DNAH12: variants seen among roughly 807,000 people sequenced by gnomAD.
DNAH12 encodes the protein dynein axonemal heavy chain 12, also known as axonemal beta dynein heavy chain 12.
DNAH12 carries 285 observed loss-of-function variants against 371.5 expected under a neutral mutation model. The observed-to-expected ratio is 0.77, with a 90% confidence interval of 0.70 to 0.85. The LOEUF is 0.85. DNAH12 is among the 40% of genes least tolerant of loss of function. The pLI is 0.00. For missense variants in DNAH12, 3,611 were observed against 3,689.4 expected (o/e 0.98, Z 0.55); for synonymous variants, 1,200 against 1,213.0 (o/e 0.99, Z 0.22).
At chr3:57,393,557 C>T (rs1408690442) in intron 44 of DNAH12, among the ~76,000 whole-genome samples, 12 of 130,880 alleles carry the variant, frequency 9.2e-5, no homozygotes, top group South Asian at 2.7e-4. Flanking sequence ...ACCCGGGAGG[C>T]GGAGGTTGCA....
At chr3:57,390,936 G>A (rs1392016147) in intron 45 of DNAH12, among the ~76,000 whole-genome samples, 1 of 152,116 alleles carries the variant, frequency 6.6e-6, no homozygotes, top group African/African-American at 2.4e-5. Context: ...CAATGTCTTT[G>A]TAACCTGGTA....
rs1307627811 is a variant in DNAH12, at chr3:57,323,598, A to T, written c.10000T>A (p.Tyr3334Asn). The change falls in exon 63 of 74, where the codon TAT becomes AAT. Residue 3334 changes from tyrosine (Y) to asparagine (N), a missense_variant. By Grantham distance (143) the Tyr-to-Asn change is moderately radical. This residue lies in a region of DNAH12 where 2,266 missense variants were observed against 2,236.9 expected (regional missense o/e 1.01). Coordinates refer to ENST00000495027, the MANE Select transcript of DNAH12 (RefSeq NM_001366028.2). ...TTTTTCCCTAGTTTGTCAGTTACAT[A>T]GTTTGTTATAGCTGGGGTTATCTGT... ...PDKITPAITNYVTDKLGKKFV... is the reference protein window; with the variant it reads ...PDKITPAITNNVTDKLGKKFV... 1 of 1,547,884 alleles carries T rather than the reference A, an allele frequency of 6.5e-7. No homozygotes were observed. Among genetic ancestry groups the T allele is most frequent in the Non-Finnish European group, 8.7e-7 (1 of 1,146,040 alleles).
intron 12 of DNAH12, among the ~76,000 whole-genome samples, chr3:57,484,246 G>A (rs1246401156): frequency 6.6e-6 from 1 of 151,966 alleles, no homozygotes; most frequent in Non-Finnish European, 1.5e-5. Context: ...AAACATGACA[G>A]TACAGCAAGT....
At chr3:57,353,644 A>G in intron 59 of DNAH12, among the ~76,000 whole-genome samples, 1 of 152,346 alleles carries the variant, frequency 6.6e-6, no homozygotes, top group African/African-American at 2.4e-5. Context: ...CAAAGATCTA[A>G]TATCCAAAAT....
chr3:57,494,333 A>G (rs1328566785), intron 11 of DNAH12, among the ~76,000 whole-genome samples: 1 of 152,108 alleles, frequency 6.6e-6, no homozygotes, highest in Admixed American at 6.6e-5. Flanking sequence ...TGCATGGATT[A>G]TTTGAGCCCA....
intron 45 of DNAH12, among the ~76,000 whole-genome samples, chr3:57,391,300 C>A (rs1209826464): frequency 6.6e-6 from 1 of 152,240 alleles, no homozygotes; most frequent in South Asian, 2.1e-4. Flanking sequence ...TGCTGACCCT[C>A]CCCCAAATTC....
At chr3:57,447,793 C>T (rs1214452550) in intron 25 of DNAH12, among the ~76,000 whole-genome samples, 1 of 152,048 alleles carries the variant, frequency 6.6e-6, no homozygotes, top group Non-Finnish European at 1.5e-5. Context: ...CCCACCTCAG[C>T]CTCCCGAGTA....
In DNAH12 at chr3:57,493,315, C is replaced by T. The variant is rs144255452; in HGVS notation, c.1336-3628G>A. On this transcript the variant is annotated intron_variant, in intron 11 of 73. Transcript: ENST00000495027. ...ACAATAAAATAATTCAAATAAAAGA[C>T]AATACAGTATAACTCTTTATATAGC... Among the ~76,000 whole-genome samples, 268 of 152,060 alleles carry T rather than the reference C, an allele frequency of 1.8e-3. 1 individual carries two copies. The highest frequency in any genetic ancestry group is 6.2e-3 in the African/African-American group (258 of 41,476).
chr3:57,466,545 A>G (rs2066208303), intron 17 of DNAH12, among the ~76,000 whole-genome samples: 1 of 152,190 alleles, frequency 6.6e-6, no homozygotes, highest in South Asian at 2.1e-4. Flanking sequence ...TGTATTACTG[A>G]CTGTCAAAAA....
At chr3:57,370,507 T>A (rs1373924981) in intron 55 of DNAH12, among the ~76,000 whole-genome samples, 1 of 152,210 alleles carries the variant, frequency 6.6e-6, no homozygotes, top group African/African-American at 2.4e-5. Flanking sequence ...GAGTCTGAAC[T>A]GCTCTCAACC....
the DNAH12 span, among the ~76,000 whole-genome samples, chr3:57,552,244 C>CA: frequency 0.42 from 55,327 of 131,782 alleles, 11,649 homozygotes; most frequent in South Asian, 0.57. Flanking sequence ...GACTCCATCT[C>CA]AAAAAAAAAA....
intron 29 of DNAH12, among the ~76,000 whole-genome samples, chr3:57,441,720 A>C (rs901274077): frequency 3.9e-5 from 6 of 152,162 alleles, no homozygotes; most frequent in Non-Finnish European, 8.8e-5. Flanking sequence ...TGAGCCCAGG[A>C]GGTTGACAAT....
At chr3:57,410,173 G>GT (rs1482627520) in intron 39 of DNAH12, among the ~76,000 whole-genome samples, 5 of 152,120 alleles carry the variant, frequency 3.3e-5, no homozygotes, top group South Asian at 2.1e-4. Context: ...CAGATACTGT[G>GT]TTTTTTTACA....
At chr3:57,496,000 T>G in intron 11 of DNAH12, among the ~76,000 whole-genome samples, 1 of 147,326 alleles carries the variant, frequency 6.8e-6, no homozygotes, top group Admixed American at 6.9e-5. Context: ...ATTATATATA[T>G]ATAAGATCAG....
intron 2 of DNAH12, among the ~76,000 whole-genome samples, chr3:57,537,128 A>C (rs1013072603): frequency 6.6e-6 from 1 of 152,118 alleles, no homozygotes; most frequent in Non-Finnish European, 1.5e-5. Context: ...AGGAAGGCAG[A>C]GGTTGCAGTG....
rs1247637331 is a variant in DNAH12, at chr3:57,334,491, T to C, written c.9952A>G (p.Ile3318Val). 1 of 1,549,896 alleles carries C rather than the reference T, an allele frequency of 6.5e-7. No homozygotes were observed. Among genetic ancestry groups the C allele is most frequent in the Non-Finnish European group, 8.7e-7 (1 of 1,146,662 alleles). Residue 3318 changes from isoleucine to valine, a missense_variant, in exon 62 of 74, where the codon ATT becomes GTT. By Grantham distance (29) the Ile-to-Val change is conservative (BLOSUM62 3). Transcript: ENST00000495027. ...KNLNELQKII[I>V]LRCLRPDKIT... is the part of the protein sequence containing the mutation. ...TTATCAGGTCTTAAACACCGAAGAA[T>C]TATTATTTTCTGTAGTTCATTTAGG...
chr3:57,499,647 A>AAAAAAAAAAAAAATATATATATATAT, intron 11 of DNAH12, among the ~76,000 whole-genome samples: 1 of 17,946 alleles, frequency 5.6e-5, no homozygotes, highest in Non-Finnish European at 1.2e-4. Flanking sequence ...AAAAAAAAAA[A>AAAAAAAAAAAAAATATATATATATAT]ATATATATAT....
chr3:57,424,946 C>A, intron 35 of DNAH12, 76 bp downstream of exon 35: 1 of 633,554 alleles, frequency 1.6e-6, no homozygotes, highest in South Asian at 1.9e-5. Flanking sequence ...CTTGTCATGT[C>A]TTTCTCAATA....
chr3:57,373,073 A>C (rs1217422225), intron 55 of DNAH12, among the ~76,000 whole-genome samples: 1 of 152,172 alleles, frequency 6.6e-6, no homozygotes, highest in East Asian at 1.9e-4. Flanking sequence ...AAAATGCAAA[A>C]AGAAGGAAGC....
Sources: allele counts gnomAD v4.1 joint callset (sites outside exome capture counted in the v4.1 genomes callset), GRCh38; gene constraint gnomAD v4.1.1; regional missense constraint gnomAD v4.1.1; transcripts MANE v1.5; gene names NCBI Gene and HGNC (gene_info 2026-07-23, HGNC 2026-07-21).